MYPOP: variants seen among roughly 807,000 people sequenced by gnomAD.
MYPOP encodes myb-related transcription factor, partner of profilin.
MYPOP carries 21 observed loss-of-function variants against 25.7 expected under a neutral mutation model. The ratio of observed to expected loss-of-function variants is 0.82; its 90% confidence interval spans 0.58 to 1.18. The LOEUF (loss-of-function observed/expected upper bound fraction) is 1.18. Ranked by LOEUF, MYPOP falls within the 50% of genes most tolerant of loss-of-function variation. MYPOP has a pLI of 0.00. For missense variants in MYPOP, 566 were observed against 588.3 expected, an observed-to-expected ratio of 0.96 and a Z score of 0.39; for synonymous variants, 280 against 247.9, an observed-to-expected ratio of 1.13 and a Z score of -1.22.
rs940129730 is a variant in MYPOP at position 45,901,013 on chromosome 19, T to C, written c.499+262A>G. ...TCCAGAGTCACTACTCGACACTGCA[T>C]TTAATGAAATCCTGCCTGTGCTGAT... is the stretch of plus-strand genomic sequence containing the variant. On this transcript the variant is annotated intron_variant, in intron 2 of 2. Coordinates refer to ENST00000322217, the MANE Select transcript of MYPOP (RefSeq NM_001012643.4). The surrounding 1 kb of genome is among the most constrained non-coding windows in gnomAD (Gnocchi z 5.7). Among the ~76,000 whole-genome samples, 12 of 152,212 alleles carry C rather than the reference T, an allele frequency of 7.9e-5. No individual in the cohort carries two copies. Among genetic ancestry groups the C allele is most frequent in the African/African-American group, 2.7e-4 (11 of 41,452 alleles).
At chr19:45,898,976 C>T (rs1450465181) in intron 2 of MYPOP, among the ~76,000 whole-genome samples, 1 of 152,168 alleles carries the variant, frequency 6.6e-6, no homozygotes, top group Non-Finnish European at 1.5e-5. Flanking sequence ...CCTGTAATCC[C>T]AGCACTTTGG....
intron 2 of MYPOP, among the ~76,000 whole-genome samples, chr19:45,891,658 G>A (rs554472058): frequency 6.4e-4 from 98 of 152,008 alleles, no homozygotes; most frequent in African/African-American, 2.3e-3. Flanking sequence ...GGCTGGTCTC[G>A]GACTCCTGAC....
Position 45,901,930 on chromosome 19 carries a change from T to TGGGGGCG in MYPOP, c.-52-112_-52-106dup, listed in dbSNP as rs1967304418. 5 of 501,198 alleles carry TGGGGGCG rather than the reference T, an allele frequency of 1.0e-5. No homozygotes were observed. The highest frequency in any genetic ancestry group is 8.9e-6 in the Non-Finnish European group (3 of 337,490). 31.0% of individuals were successfully genotyped at this position (501,198 alleles called of 1,614,324 possible). On this transcript the variant is annotated intron_variant, in intron 1 of 2. Transcript: ENST00000322217. This position sits in a 1 kb window ranked among gnomAD's most constrained non-coding sequence, Gnocchi z 5.7. ...GCTCCTTAGTCCCCGGGGGCAGGAG[T>TGGGGGCG]GGGGGCGGGGGGCGGGCGGGGGCGA... is the stretch of plus-strand genomic sequence containing the variant.
At chr19:45,897,038 G>A (rs1967216069) in intron 2 of MYPOP, among the ~76,000 whole-genome samples, 1 of 151,398 alleles carries the variant, frequency 6.6e-6, no homozygotes, top group African/African-American at 2.4e-5. Context: ...TTACCGGTGT[G>A]AGCCACTGCT....
chr19:45,892,778 C>T (rs1600565416), intron 2 of MYPOP, among the ~76,000 whole-genome samples: 1 of 152,324 alleles, frequency 6.6e-6, no homozygotes, highest in East Asian at 1.9e-4. Context: ...CCACCCTGGC[C>T]CAACCACCAG....
chr19:45,900,257 C>T (rs1967267434), intron 2 of MYPOP, among the ~76,000 whole-genome samples: 1 of 152,178 alleles, frequency 6.6e-6, no homozygotes, highest in Admixed American at 6.5e-5. Flanking sequence ...CAAAATGTTA[C>T]TTTTCTTCAA....
intron 2 of MYPOP, among the ~76,000 whole-genome samples, chr19:45,900,808 G>A (rs1967277669): frequency 6.6e-6 from 1 of 152,234 alleles, no homozygotes; most frequent in Non-Finnish European, 1.5e-5. Flanking sequence ...AACAATGAGA[G>A]TTGAGGAGGT....
rs757890600 is a variant in MYPOP at position 45,891,168 on chromosome 19, A to T, written c.655T>A (p.Ser219Thr). 1.3e-5 allele frequency: 20 copies of T among 1,520,930 alleles called. No individual in the cohort carries two copies. Among genetic ancestry groups the T allele is most frequent in the Non-Finnish European group, 1.8e-5 (20 of 1,139,012 alleles). 94.2% of individuals were successfully genotyped at this position (1,520,930 alleles called of 1,614,324 possible). ...AGTGGAGGGGCTGGGGGTGGTGGAGACAAGGCCAGGCGAGGCAGCTGGACC... is the reference window on the plus strand; with the variant it reads ...AGTGGAGGGGCTGGGGGTGGTGGAGTCAAGGCCAGGCGAGGCAGCTGGACC... Reference protein sequence around the residue: ...QPVQLPRLALSPPPPAPPLPP... With the variant: ...QPVQLPRLALTPPPPAPPLPP... Residue 219 changes from serine (S) to threonine (T), a missense_variant, in exon 3 of 3, where the codon TCT becomes ACT. Coordinates refer to ENST00000322217, the MANE Select transcript of MYPOP (RefSeq NM_001012643.4).
At chr19:45,891,345 TA>T (rs771500275) in intron 2 of MYPOP, 22 bp from the exon 3 acceptor site, 53 of 1,456,902 alleles carry the variant, frequency 3.6e-5, no homozygotes, top group Middle Eastern at 1.8e-4. Flanking sequence ...GAAATACAGG[TA>T]AGGGGTGAGC....
At chr19:45,897,274 G>A (rs1322898829) in intron 2 of MYPOP, among the ~76,000 whole-genome samples, 5 of 151,728 alleles carry the variant, frequency 3.3e-5, no homozygotes, top group Admixed American at 1.3e-4. Context: ...CATTGGCCAG[G>A]CTGGTCTCAA....
intron 2 of MYPOP, among the ~76,000 whole-genome samples, chr19:45,893,154 A>C (rs960875855): frequency 4.6e-5 from 7 of 152,198 alleles, no homozygotes; most frequent in African/African-American, 1.7e-4. Context: ...ATATGCCTGT[A>C]ATCCCAGCTA....
At chr19:45,893,499 C>G (rs529498981) in intron 2 of MYPOP, among the ~76,000 whole-genome samples, 106 of 143,602 alleles carry the variant, frequency 7.4e-4, no homozygotes, top group Non-Finnish European at 1.4e-3. Context: ...ACCCGGGAGG[C>G]AGAAGTTGCA....
At chr19:45,895,612 T>C (rs930488909) in intron 2 of MYPOP, among the ~76,000 whole-genome samples, 17 of 152,180 alleles carry the variant, frequency 1.1e-4, no homozygotes, top group African/African-American at 4.1e-4. Context: ...TTTGTATTGC[T>C]CCCTTCTGTT....
At chr19:45,900,737 T>TCA (rs1967276419) in intron 2 of MYPOP, among the ~76,000 whole-genome samples, 1 of 152,168 alleles carries the variant, frequency 6.6e-6, no homozygotes, top group African/African-American at 2.4e-5. Context: ...GTCTGAGTCT[T>TCA]TTATTTATGA....
In MYPOP at chr19:45,891,098, C is replaced by T; in HGVS notation, c.725G>A (p.Ser242Asn). ...PLAQVAPSPP[S>N]PPPPPRPPPT... The stretch of plus-strand genomic sequence containing the variant: ...TGGAGGCCGAGGAGGGGGTGGGGGG[C>T]TAGGGGGTGAGGGTGCCACTTGGGC... The change falls in exon 3 of 3, where the codon AGC (serine) becomes AAC (asparagine). Residue 242 changes from serine (S) to asparagine (N), a missense_variant. Coordinates refer to ENST00000322217, the MANE Select transcript of MYPOP (RefSeq NM_001012643.4). 2 of 344,352 alleles carry T rather than the reference C, an allele frequency of 5.8e-6. No homozygotes were observed. The highest frequency in any genetic ancestry group is 7.9e-6 in the Non-Finnish European group (2 of 253,902). 21.3% of individuals were successfully genotyped at this position (344,352 alleles called of 1,614,324 possible). A position where few individuals can be genotyped will look rare whatever the true frequency, so the allele number is the denominator to read the frequency against.
rs1398681207 is a variant in MYPOP at position 45,901,674 on chromosome 19, C to T, written c.100G>A (p.Ala34Thr). 1 of 1,608,462 alleles carries T rather than the reference C, an allele frequency of 6.2e-7. No homozygotes were observed. The change falls in exon 2 of 3, where the codon GCC (alanine) becomes ACC (threonine). Residue 34 changes from alanine to threonine, a missense_variant. Ala to Thr is a moderately conservative substitution (Grantham distance 58). Transcript: ENST00000322217. This position sits in a 1 kb window ranked among gnomAD's most constrained non-coding sequence, Gnocchi z 5.7. ...GCGCCGTAGAGCTGCGGGTAGTGGG[C>T]GCGCACCTCGCGGATCAGGATCTGG... The part of the protein sequence containing the change: ...ENQILIREVR[A>T]HYPQLYGAQS...
chr19:45,898,473 G>C (rs929442435), intron 2 of MYPOP, among the ~76,000 whole-genome samples: 2 of 151,710 alleles, frequency 1.3e-5, no homozygotes, highest in Admixed American at 1.3e-4. Flanking sequence ...ACAGGCATGC[G>C]CCACCACGCG....
intron 2 of MYPOP, among the ~76,000 whole-genome samples, chr19:45,898,965 G>A (rs967035031): frequency 6.6e-6 from 1 of 152,168 alleles, no homozygotes; most frequent in South Asian, 2.1e-4. Context: ...GGTGGCTCAC[G>A]CCTGTAATCC....
chr19:45,901,555 G>A lies in MYPOP; in HGVS notation c.219C>T (p.Gly73=), dbSNP rs373261653. The A allele has an allele frequency of 2.6e-4, 420 of 1,612,132 alleles. No homozygotes were observed. The highest frequency in any genetic ancestry group is 3.2e-4 in the Non-Finnish European group (380 of 1,179,666). Residue 73 remains glycine, a synonymous_variant, in exon 2 of 3, where the codon GGC becomes GGT. Coordinates refer to ENST00000322217, the MANE Select transcript of MYPOP (RefSeq NM_001012643.4). The surrounding 1 kb of genome is among the most constrained non-coding windows in gnomAD (Gnocchi z 5.7). ...INGITSWKRT[G]QEVQKRWNDF... ...CGTTCCAGCGCTTCTGCACCTCCTG[G>A]CCCGTGCGCTTCCAGCTGGTGATAC... is the stretch of plus-strand genomic sequence containing the variant.
Sources: allele counts gnomAD v4.1 joint callset (sites outside exome capture counted in the v4.1 genomes callset), GRCh38; gene constraint gnomAD v4.1.1; non-coding constraint Gnocchi (gnomAD v3.1); transcripts MANE v1.5; gene names NCBI Gene and HGNC (gene_info 2026-07-23, HGNC 2026-07-21).